FGFR3: variants seen among roughly 807,000 people sequenced by gnomAD.
FGFR3 encodes the protein fibroblast growth factor receptor 3, also known as FGFR-3.
A neutral mutation model predicts 82.9 loss-of-function variants in FGFR3; 25 were observed. That is an observed-to-expected ratio of 0.30 (90% confidence interval 0.22 to 0.42). The LOEUF (loss-of-function observed/expected upper bound fraction) is 0.42. Among genes scored for constraint, FGFR3 ranks in the 10% least tolerant of loss-of-function variants. FGFR3 has a pLI of 1.00. For synonymous variants in FGFR3, 620 were observed against 516.0 expected (o/e 1.20, Z -2.73); for missense variants, 1,026 against 1,161.0 (o/e 0.88, Z 1.69).
chr4:1,804,516 G>A lies in FGFR3; in HGVS notation c.1262G>A (p.Arg421Gln), dbSNP rs587778355. The A allele has an allele frequency of 3.2e-5, 51 of 1,612,196 alleles. No individual in the cohort carries two copies. Among genetic ancestry groups the A allele is most frequent in the Non-Finnish European group, 3.4e-5 (40 of 1,179,908 alleles). ...VHKISRFPLKRQVSLESNASM... is the reference protein window; with the variant it reads ...VHKISRFPLKQQVSLESNASM... ...AAGATCTCCCGCTTCCCGCTCAAGC[G>A]ACAGGTAACAGAAAGTAGATACCAG... Residue 421 changes from arginine to glutamine, a missense_variant, in exon 9 of 18, where the codon CGA becomes CAA. This residue lies in a region of FGFR3 where 256 missense variants were observed against 217.6 expected (regional missense o/e 1.18). Coordinates refer to ENST00000440486, the MANE Select transcript of FGFR3 (RefSeq NM_000142.5).
intron 4 of FGFR3, among the ~76,000 whole-genome samples, 169 bp downstream of exon 4, chr4:1,799,981 G>T (rs1162597173): frequency 6.6e-6 from 1 of 152,196 alleles, no homozygotes; most frequent in Non-Finnish European, 1.5e-5. Context: ...CACTGACATG[G>T]CTCTAGATGC....
chr4:1,795,023 G>A (rs1720311458), intron 2 of FGFR3, among the ~76,000 whole-genome samples: 1 of 151,614 alleles, frequency 6.6e-6, no homozygotes, highest in African/African-American at 2.4e-5. Context: ...GGCCGGGGAG[G>A]GCGCCTGGAG....
chr4:1,799,843 C>T (rs17886954), intron 4 of FGFR3, 31 bp downstream of exon 4: 21 of 1,609,038 alleles, frequency 1.3e-5, no homozygotes, highest in South Asian at 4.4e-5. Flanking sequence ...TCAGGCCAGC[C>T]GGGGTGGGGC....
In FGFR3 at chr4:1,805,876, T is replaced by G. The variant is rs754840234; in HGVS notation, c.1772T>G (p.Phe591Cys). ...AAGCCGCCCGAGGAGCAGCTCACCT[T>G]CAAGGACCTGGTGTCCTGTGCCTAC... ...TCKPPEEQLT[F>C]KDLVSCAYQV... The change falls in exon 13 of 18, where the codon TTC becomes TGC. Residue 591 changes from phenylalanine to cysteine, a missense_variant. By Grantham distance (205) the Phe-to-Cys change is radical. Transcript: ENST00000440486. 4 of 1,612,812 alleles carry G rather than the reference T, an allele frequency of 2.5e-6. No homozygotes were observed. Among genetic ancestry groups the G allele is most frequent in the Non-Finnish European group, 3.4e-6 (4 of 1,179,858 alleles).
intron 7 of FGFR3, 47 bp from the exon 8 acceptor site, chr4:1,803,645 G>A (rs755742908): frequency 1.0e-5 from 16 of 1,601,136 alleles, no homozygotes; most frequent in African/African-American, 6.7e-5. Context: ...TGCGGTGCCC[G>A]CAGGGCGGTG....
chr4:1,802,802 G>A (rs1721356523), intron 7 of FGFR3: 1 of 1,361,608 alleles, frequency 7.3e-7, no homozygotes, highest in Admixed American at 3.4e-5. Flanking sequence ...GCAGCCTTTG[G>A]GGCTGACGCA....
rs3135876 is a variant in FGFR3 at position 1,802,362 on chromosome 4, C to T, written c.930+337C>T. ...CAGTGTGGCCAAGCCCTCCAGGCCC[C>T]CTCTGGGCCTCAGAGGCGGTGGCTG... On this transcript the variant is annotated intron_variant, in intron 7 of 17. Coordinates refer to ENST00000440486, the MANE Select transcript of FGFR3 (RefSeq NM_000142.5). Among the ~76,000 whole-genome samples, 1,349 of 152,292 alleles carry T rather than the reference C, an allele frequency of 8.9e-3. 13 individuals are homozygous for T. The highest frequency in any genetic ancestry group is 9.9e-3 in the Non-Finnish European group (674 of 68,016).
At chr4:1,807,062 G>A (rs1722023037) in intron 17 of FGFR3, 54 bp from the exon 18 acceptor site, 1 of 1,553,084 alleles carries the variant, frequency 6.4e-7, no homozygotes, top group Admixed American at 1.9e-5. Context: ...CACAGAGGTG[G>A]CTGTGCGAAG....
Position 1,801,750 on chromosome 4 carries a change from G to C in FGFR3, c.739+7G>C, listed in dbSNP as rs4647923. On this transcript the variant is annotated splice_region_variant and intron_variant, in intron 6 of 17. Coordinates refer to ENST00000440486, the MANE Select transcript of FGFR3 (RefSeq NM_000142.5). ...TACACGCTGGACGTGCTGGGTGAGGGCCCTGGGGCGGCGCGGGGGTGGGGG... is the reference window on the plus strand; with the variant it reads ...TACACGCTGGACGTGCTGGGTGAGGCCCCTGGGGCGGCGCGGGGGTGGGGG... 2 of 1,599,460 alleles carry C rather than the reference G, an allele frequency of 1.3e-6. No homozygotes were observed. Among genetic ancestry groups the C allele is most frequent in the African/African-American group, 2.7e-5 (2 of 74,790 alleles).
Position 1,807,180 on chromosome 4 carries a change from C to G in FGFR3, c.2339C>G (p.Ser780Cys), listed in dbSNP as rs140616343. 22 of 1,605,432 alleles carry G rather than the reference C, an allele frequency of 1.4e-5. No homozygotes were observed. The African/African-American group carries it at 2.8e-4, about 20-fold the overall frequency. The change falls in exon 18 of 18, where the codon TCC becomes TGC. Residue 780 changes from serine (S) to cysteine (C), a missense_variant. Coordinates refer to ENST00000440486, the MANE Select transcript of FGFR3 (RefSeq NM_000142.5). Reference sequence around the variant, plus strand: ...CCGGGTGGCCAGGACACCCCCAGCTCCAGCTCCTCAGGGGACGACTCCGTG... The same window carrying G: ...CCGGGTGGCCAGGACACCCCCAGCTGCAGCTCCTCAGGGGACGACTCCGTG... ...YSPGGQDTPS[S>C]SSSGDDSVFA...
rs1560431277 is a variant in FGFR3, at chr4:1,804,416, C to T, written c.1162C>T (p.Leu388=). ...CGGGGTGGGCTTCTTCCTGTTCATC[C>T]TGGTGGTGGCGGCTGTGACGCTCTG... ...SYGVGFFLFI[L]VVAAVTLCRL... is the part of the protein sequence containing the mutation. Residue 388 remains leucine, a synonymous_variant, in exon 9 of 18, where the codon CTG becomes TTG. Coordinates refer to ENST00000440486, the MANE Select transcript of FGFR3 (RefSeq NM_000142.5). The T allele has an allele frequency of 1.9e-6, 3 of 1,613,088 alleles. No homozygotes were observed. Among genetic ancestry groups the T allele is most frequent in the South Asian group, 1.1e-5 (1 of 91,008 alleles).
At position 1,806,040 on chromosome 4, in the gene FGFR3, C is replaced by A. The variant is rs1721870767; in HGVS notation, c.1837-11C>A. 1 of 1,613,264 alleles carries A rather than the reference C, an allele frequency of 6.2e-7. No individual in the cohort carries two copies. Among genetic ancestry groups the A allele is most frequent in the South Asian group, 1.1e-5 (1 of 91,088 alleles). On this transcript the variant is annotated splice_polypyrimidine_tract_variant and intron_variant, in intron 13 of 17. Coordinates refer to ENST00000440486, the MANE Select transcript of FGFR3 (RefSeq NM_000142.5). ...GAGAGGCTTCAGCCCTGCCTCCCACCCCTTCCCCAGTGCATCCACAGGGAC... is the reference window on the plus strand; with the variant it reads ...GAGAGGCTTCAGCCCTGCCTCCCACACCTTCCCCAGTGCATCCACAGGGAC...
In FGFR3 at chr4:1,806,302, C is replaced by T. The variant is rs1490564667; in HGVS notation, c.2005C>T (p.Arg669Ter). The change falls in exon 15 of 18, where the codon CGA (arginine) becomes TGA (stop). Residue 669 changes from arginine (R) to a stop codon, truncating the protein, a stop_gained. Transcript: ENST00000440486. LOFTEE classifies it high-confidence loss of function. ...KWMAPEALFD[R>*]VYTHQSDVWS... is the part of the protein sequence containing the mutation. ...GATGGCGCCTGAGGCCTTGTTTGAC[C>T]GAGTCTACACTCACCAGAGTGACGT... The T allele has an allele frequency of 1.3e-6, 2 of 1,531,168 alleles. No individual in the cohort carries two copies. The highest frequency in any genetic ancestry group is 1.8e-6 in the Non-Finnish European group (2 of 1,134,678). The allele number at this position is 1,531,168 out of a possible 1,614,324, so 94.8% of individuals were successfully genotyped here. A position where few individuals can be genotyped will look rare whatever the true frequency, so the allele number is the denominator to read the frequency against.
chr4:1,803,706 C>T lies in FGFR3; in HGVS notation c.945C>T (p.Asn315=), dbSNP rs770974896. The T allele has an allele frequency of 3.1e-6, 5 of 1,613,782 alleles. No homozygotes were observed. Among genetic ancestry groups the T allele is most frequent in the Non-Finnish European group, 8.5e-7 (1 of 1,180,006 alleles). The change falls in exon 8 of 18, where the codon AAC becomes AAT. Residue 315 remains asparagine (N), a synonymous_variant. Transcript: ENST00000440486. ...TCTCTTTGTAGACGGCGGGCGCTAA[C>T]ACCACCGACAAGGAGCTAGAGGTTC... ...YVTVLKTAGA[N]TTDKELEVLS... is the part of the protein sequence containing the mutation.
At position 1,793,910 on chromosome 4, in the gene FGFR3, G is replaced by A; in HGVS notation, c.-25G>A. On this transcript the variant is annotated 5_prime_UTR_variant, in exon 2 of 18. Coordinates refer to ENST00000440486, the MANE Select transcript of FGFR3 (RefSeq NM_000142.5). ...CAGCATGCCCGCGCGCGCTGCCTGA[G>A]GACGCCGCGGCCCCCGCCCCCGCCA... is the stretch of plus-strand genomic sequence containing the variant. The A allele has an allele frequency of 8.8e-7, 1 of 1,134,334 alleles. No homozygotes were observed. The highest frequency in any genetic ancestry group is 1.1e-6 in the Non-Finnish European group (1 of 895,850). The allele number at this position is 1,134,334 out of a possible 1,614,324, so 70.3% of individuals were successfully genotyped here. A position where few individuals can be genotyped will look rare whatever the true frequency, so the allele number is the denominator to read the frequency against.
Position 1,804,293 on chromosome 4 carries a change from G to A in FGFR3, c.1076-37G>A, listed in dbSNP as rs752844487. 56 of 1,552,766 alleles carry A rather than the reference G, an allele frequency of 3.6e-5. No homozygotes were observed. The South Asian group carries it at 6.4e-4, about 18-fold the overall frequency. Reference sequence around the variant, plus strand: ...CATCCATGGGAGCCCCGTGGGGGGGGGGGCCAGGCCAGGCCTCAACGCCCA... The same window carrying A: ...CATCCATGGGAGCCCCGTGGGGGGGAGGGCCAGGCCAGGCCTCAACGCCCA... On this transcript the variant is annotated intron_variant, in intron 8 of 17. Coordinates refer to ENST00000440486, the MANE Select transcript of FGFR3 (RefSeq NM_000142.5).
intron 2 of FGFR3, among the ~76,000 whole-genome samples, chr4:1,797,099 C>G (rs536010219): frequency 6.6e-6 from 1 of 152,172 alleles, no homozygotes; most frequent in Non-Finnish European, 1.5e-5. Context: ...GGAGTTTTGT[C>G]TCCAACGTGT....
intron 2 of FGFR3, among the ~76,000 whole-genome samples, chr4:1,795,368 C>T (rs1320997110): frequency 6.6e-6 from 1 of 151,856 alleles, no homozygotes; most frequent in Non-Finnish European, 1.5e-5. Context: ...GGAGCCTCTC[C>T]TGGACCCCCT....
chr4:1,800,847 C>T (rs1203824732), intron 4 of FGFR3, among the ~76,000 whole-genome samples: 1 of 152,206 alleles, frequency 6.6e-6, no homozygotes, highest in Admixed American at 6.5e-5. Context: ...GAGGCAGGGC[C>T]TCCAGGGTGC....
Sources: allele counts gnomAD v4.1 joint callset (sites outside exome capture counted in the v4.1 genomes callset), GRCh38; gene constraint gnomAD v4.1.1; regional missense constraint gnomAD v4.1.1; transcripts MANE v1.5; gene names NCBI Gene and HGNC (gene_info 2026-07-23, HGNC 2026-07-21).